Variants in PRTN3 observed in about 807,000 individuals in gnomAD.
PRTN3 encodes the protein proteinase 3.
Under a neutral mutation model 20.7 loss-of-function variants are expected in PRTN3, and 22 were observed. The observed-to-expected ratio is 1.06, with a 90% CI of 0.76 to 1.52. PRTN3 has a LOEUF of 1.52. Among genes scored for constraint, PRTN3 ranks in the 40% most tolerant of loss-of-function variants. PRTN3 has a pLI of 0.00. For missense variants in PRTN3, 378 were observed against 359.6 expected (o/e 1.05, Z -0.41); for synonymous variants, 173 against 152.9 (o/e 1.13, Z -0.97).
intron 2 of PRTN3, 62 bp downstream of exon 2, chr19:843,688 G>T: frequency 6.6e-7 from 1 of 1,517,506 alleles, no homozygotes; most frequent in Non-Finnish European, 8.8e-7. Context: ...GCCCTGGCCC[G>T]GCCACTGTCC....
intron 1 of PRTN3, 145 bp downstream of exon 1, chr19:841,214 G>C: frequency 8.9e-7 from 1 of 1,122,742 alleles, no homozygotes; most frequent in Non-Finnish European, 1.3e-6. Flanking sequence ...CACTGCTCGG[G>C]ACCAACGCTT....
intron 4 of PRTN3, among the ~76,000 whole-genome samples, chr19:846,639 C>T (rs1304528556): frequency 2.0e-5 from 3 of 152,224 alleles, no homozygotes; most frequent in Admixed American, 1.3e-4. Context: ...GGAGACCCAT[C>T]CGCCCTCACC....
chr19:847,553 GAA>G (rs1214157092), intron 4 of PRTN3, among the ~76,000 whole-genome samples: 1 of 115,818 alleles, frequency 8.6e-6, no homozygotes, highest in Non-Finnish European at 1.8e-5. Flanking sequence ...GAAAGAAAAA[GAA>G]AGAGAGAGAG....
intron 2 of PRTN3, 33 bp downstream of exon 2, chr19:843,659 G>A (rs1487268904): frequency 1.9e-6 from 3 of 1,543,310 alleles, no homozygotes; most frequent in East Asian, 4.8e-5. Context: ...CTGTCCGCCC[G>A]CCCCGCCCTC....
At chr19:847,525 G>GAGAAAGAAAGAA (rs201984870) in intron 4 of PRTN3, among the ~76,000 whole-genome samples, 44 of 147,744 alleles carry the variant, frequency 3.0e-4, no homozygotes, top group African/African-American at 4.8e-4. Context: ...AAGAAAAAGA[G>GAGAAAGAAAGAA]AGAAAGAAAG....
chr19:846,398 C>A, intron 4 of PRTN3, 21 bp downstream of exon 4: 1 of 1,544,472 alleles, frequency 6.5e-7, no homozygotes, highest in Non-Finnish European at 8.7e-7. Context: ...GTGCCCCCAC[C>A]CCGGGCACCG....
Position 843,984 on chromosome 19 carries a change from C to A in PRTN3, c.319C>A (p.Leu107Met). The stretch of plus-strand genomic sequence containing the variant: ...GCACTTCTCGGTGGCTCAGGTGTTT[C>A]TGAACAACTACGACGCGGAGAACAA... ...QQHFSVAQVF[L>M]NNYDAENKLN... The change falls in exon 3 of 5, where the codon CTG becomes ATG. Residue 107 changes from leucine to methionine, a missense_variant. Physicochemically the swap from Leu to Met is conservative, Grantham distance 15. Coordinates refer to ENST00000234347, the MANE Select transcript of PRTN3 (RefSeq NM_002777.4). The A allele has an allele frequency of 4.4e-6, 7 of 1,605,946 alleles. No individual in the cohort carries two copies. The highest frequency in any genetic ancestry group is 5.9e-6 in the Non-Finnish European group (7 of 1,176,842).
rs913768644 is a variant in PRTN3 at position 843,729 on chromosome 19, G to T, written c.227+103G>T. The T allele has an allele frequency of 1.4e-5, 21 of 1,468,968 alleles. No individual in the cohort carries two copies. In the African/African-American group the frequency reaches 2.7e-4, roughly 19 times the overall value. 91.0% of individuals were successfully genotyped at this position (1,468,968 alleles called of 1,614,324 possible). On this transcript the variant is annotated intron_variant, in intron 2 of 4. Transcript: ENST00000234347. ...CCCGGGGAGGACCCAGCTAAGCCCC[G>T]TCTGCAGACCCCAGGCCCCGCGCGC...
At chr19:846,765 CGG>C (rs2035523111) in intron 4 of PRTN3, among the ~76,000 whole-genome samples, 1 of 145,584 alleles carries the variant, frequency 6.9e-6, no homozygotes, top group Admixed American at 6.8e-5. Context: ...GTTTTTGAGA[CGG>C]AGTGTCGCTC....
chr19:847,736 T>G, intron 4 of PRTN3, 63 bp from the exon 5 acceptor site: 1 of 1,528,276 alleles, frequency 6.5e-7, no homozygotes, highest in Non-Finnish European at 8.9e-7. Context: ...TGACTGGCCG[T>G]CCCCATCCTC....
In PRTN3 at chr19:847,907, G is replaced by A. The variant is rs779656305; in HGVS notation, c.709G>A (p.Ala237Thr). ...TTTCCCTGACTTCTTCACGCGGGTA[G>A]CCCTCTACGTGGACTGGATCCGTTC... is the stretch of plus-strand genomic sequence containing the variant. ...RLFPDFFTRV[A>T]LYVDWIRSTL... Residue 237 changes from alanine (A) to threonine (T), a missense_variant, in exon 5 of 5, where the codon GCC (alanine) becomes ACC (threonine). Transcript: ENST00000234347. The A allele has an allele frequency of 1.2e-6, 2 of 1,608,272 alleles. No homozygotes were observed. The highest frequency in any genetic ancestry group is 1.7e-6 in the Non-Finnish European group (2 of 1,177,286).
chr19:846,230 G>A lies in PRTN3; in HGVS notation c.453G>A (p.Gln151=), dbSNP rs776238964. Residue 151 remains glutamine (Q), a synonymous_variant, in exon 4 of 5, where the codon CAG becomes CAA. Transcript: ENST00000234347. ...QQDQPVPHGT[Q]CLAMGWGRVG... is the part of the protein sequence containing the mutation. ...ACCAGCCAGTGCCCCACGGCACCCA[G>A]TGCCTGGCCATGGGCTGGGGCCGCG... 2 of 1,552,782 alleles carry A rather than the reference G, an allele frequency of 1.3e-6. No individual in the cohort carries two copies. The highest frequency in any genetic ancestry group is 2.7e-5 in the African/African-American group (2 of 73,090).
chr19:843,406 C>G lies in PRTN3; in HGVS notation c.62-55C>G, dbSNP rs1321740115. The G allele has an allele frequency of 3.4e-6, 5 of 1,476,130 alleles. No homozygotes were observed. The African/African-American group carries it at 7.1e-5, about 21-fold the overall frequency. The allele number at this position is 1,476,130 out of a possible 1,614,324, so 91.4% of individuals were successfully genotyped here. ...AGAGGCCCAGGGGCTGCTCTGCCAT[C>G]CCCCCTTTCCCTGCAGCCTGGGGGC... On this transcript the variant is annotated intron_variant, in intron 1 of 4. Coordinates refer to ENST00000234347, the MANE Select transcript of PRTN3 (RefSeq NM_002777.4).
intron 1 of PRTN3, among the ~76,000 whole-genome samples, chr19:842,032 T>G (rs930759865): frequency 5.3e-4 from 80 of 151,450 alleles, no homozygotes; most frequent in African/African-American, 1.8e-3. Context: ...TGGCCCTTTT[T>G]TTTTCTTTTT....
intron 1 of PRTN3, among the ~76,000 whole-genome samples, chr19:841,532 A>C (rs1007716458): frequency 2.2e-5 from 3 of 138,946 alleles, no homozygotes; most frequent in African/African-American, 8.3e-5. Flanking sequence ...GAGTGAATGA[A>C]TCAATGAGTG....
chr19:841,400 A>C (rs922292266), intron 1 of PRTN3, among the ~76,000 whole-genome samples: 12 of 152,186 alleles, frequency 7.9e-5, no homozygotes, highest in African/African-American at 2.9e-4. Context: ...GTGAATATGC[A>C]TGAATGAATG....
chr19:847,825 T>C lies in PRTN3; in HGVS notation c.627T>C (p.Cys209=). Residue 209 remains cysteine (C), a synonymous_variant, in exon 5 of 5, where the codon TGT becomes TGC. Transcript: ENST00000234347. ...GAGACTCAGGTGGCCCCCTGATCTGTGATGGCATCATCCAAGGAATAGACT... is the reference window on the plus strand; with the variant it reads ...GAGACTCAGGTGGCCCCCTGATCTGCGATGGCATCATCCAAGGAATAGACT... The part of the protein sequence containing the change: ...CFGDSGGPLI[C]DGIIQGIDSF... 2 of 1,609,440 alleles carry C rather than the reference T, an allele frequency of 1.2e-6. No individual in the cohort carries two copies. The highest frequency in any genetic ancestry group is 1.7e-6 in the Non-Finnish European group (2 of 1,177,760).
chr19:843,932 C>A lies in PRTN3; in HGVS notation c.267C>A (p.Asn89Lys). 1 of 1,598,870 alleles carries A rather than the reference C, an allele frequency of 6.3e-7. No individual in the cohort carries two copies. ...TGAACGTGGTGCTCGGAGCCCACAA[C>A]GTGCGGACGCAGGAGCCCACCCAGC... ...RLVNVVLGAH[N>K]VRTQEPTQQH... Residue 89 changes from asparagine (N) to lysine (K), a missense_variant, in exon 3 of 5, where the codon AAC (asparagine) becomes AAA (lysine). By Grantham distance (94) the Asn-to-Lys change is moderately conservative. Transcript: ENST00000234347.
intron 3 of PRTN3, 152 bp downstream of exon 3, chr19:844,186 G>A: frequency 9.5e-7 from 1 of 1,054,748 alleles, no homozygotes; most frequent in East Asian, 3.0e-5. Context: ...GGCCGGGGGA[G>A]ACCGCTCCTT....
Sources: gnomAD v4.1 joint callset for allele counts (sites outside exome capture counted in the v4.1 genomes callset) on GRCh38, gnomAD v4.1.1 for gene constraint, MANE v1.5 for transcripts, NCBI Gene and HGNC (gene_info 2026-07-23, HGNC 2026-07-21) for gene names.